The following ANKRD17 variants were observed in gnomAD, a reference collection of about 807,000 sequenced individuals.
ANKRD17 encodes the protein ankyrin repeat domain 17.
ANKRD17 carries 19 observed loss-of-function variants against 229.7 expected under a neutral mutation model. That is an observed-to-expected ratio of 0.08 (90% CI 0.06 to 0.12). ANKRD17 has a LOEUF of 0.12. Among genes scored for constraint, ANKRD17 ranks in the 10% least tolerant of loss-of-function variants. The pLI, the probability that ANKRD17 is intolerant of heterozygous loss-of-function variation, is 1.00. For synonymous variants in ANKRD17, 1,112 were observed against 1,146.1 expected (o/e 0.97, Z 0.60); for missense variants, 2,176 against 3,176.8 (o/e 0.68, Z 7.57).
In ANKRD17 at chr4:73,085,324, G is replaced by A; in HGVS notation, c.7084C>T (p.Pro2362Ser). ...YGPGAPLGGA[P>S]AAANFNRQHF... is the part of the protein sequence containing the mutation. ...TGTCTGTTAAAGTTAGCAGCTGCGG[G>A]TGCTCCTCCAAGGGGTGCCCCAGGT... Residue 2362 changes from proline (P) to serine (S), a missense_variant, in exon 30 of 34, where the codon CCC (proline) becomes TCC (serine). Pro to Ser is a moderately conservative substitution (Grantham distance 74, BLOSUM62 -1). This residue lies in a region of ANKRD17 where 87 missense variants were observed against 116.0 expected (regional missense o/e 0.75). Transcript: ENST00000358602. The A allele has an allele frequency of 3.7e-6, 6 of 1,614,078 alleles. No homozygotes were observed. Among genetic ancestry groups the A allele is most frequent in the Non-Finnish European group, 5.1e-6 (6 of 1,180,020 alleles).
chr4:73,145,091 C>T (rs191581962), intron 10 of ANKRD17, among the ~76,000 whole-genome samples: 74 of 152,238 alleles, frequency 4.9e-4, no homozygotes, highest in Non-Finnish European at 7.1e-4. Context: ...GTTATAGTCA[C>T]GTGATCATGA....
chr4:73,206,373 T>A (rs978785546), intron 1 of ANKRD17, among the ~76,000 whole-genome samples: 1 of 137,488 alleles, frequency 7.3e-6, no homozygotes, highest in African/African-American at 2.8e-5. Context: ...ATAAGAAAAA[T>A]GTGGCCTATA....
At chr4:73,149,146 T>C (rs967255833) in intron 7 of ANKRD17, 96 bp from the exon 8 acceptor site, 5 of 969,638 alleles carry the variant, frequency 5.2e-6, no homozygotes, top group Non-Finnish European at 7.7e-6. Flanking sequence ...GAAGTTTATC[T>C]ATCTCCACTC....
rs1336601037 is a variant in ANKRD17 at position 73,078,656 on chromosome 4, A to G, written c.7394T>C (p.Ile2465Thr). ...GAATATCCTACCTTGATTGCCACCA[A>G]TCCCTTCAAAGGACCAGATGCCACT... is the stretch of plus-strand genomic sequence containing the variant. ...GHSGIWSFEG[I>T]GGNQDKVDWC... Residue 2465 changes from isoleucine to threonine, a missense_variant, in exon 31 of 34, where the codon ATT becomes ACT. Around this residue, in one of 18 missense-constraint regions of ANKRD17, gnomAD observed 159 missense variants for 214.3 expected, o/e 0.74. Coordinates refer to ENST00000358602, the MANE Select transcript of ANKRD17 (RefSeq NM_032217.5). The G allele has an allele frequency of 3.7e-6, 6 of 1,614,162 alleles. No homozygotes were observed. Among genetic ancestry groups the G allele is most frequent in the Admixed American group, 1.7e-5 (1 of 60,022 alleles).
At chr4:73,113,476 T>C (rs1187058214) in intron 24 of ANKRD17, among the ~76,000 whole-genome samples, 1 of 152,106 alleles carries the variant, frequency 6.6e-6, no homozygotes, top group East Asian at 1.9e-4. Context: ...AATTATAAGA[T>C]CAAAAAACAA....
At chr4:73,080,960 A>G (rs531725474) in intron 30 of ANKRD17, 2 of 152,418 alleles carry the variant, frequency 1.3e-5, no homozygotes, top group South Asian at 4.1e-4. Flanking sequence ...ATTTTAATAA[A>G]CAGAATTACT....
At position 73,144,741 on chromosome 4, in the gene ANKRD17, C is replaced by T. The variant is rs749710226; in HGVS notation, c.1957+4G>A. 7 of 1,544,254 alleles carry T rather than the reference C, an allele frequency of 4.5e-6. No homozygotes were observed. Among genetic ancestry groups the T allele is most frequent in the Non-Finnish European group, 6.1e-6 (7 of 1,149,356 alleles). ...AAAAAGACAACTGTTTTATACAAAC[C>T]TACCTTTACTAATTAAGAACTGAAC... On this transcript the variant is annotated splice_donor_region_variant and intron_variant, in intron 11 of 33. Transcript: ENST00000358602.
At position 73,155,670 on chromosome 4, in the gene ANKRD17, G is replaced by A; in HGVS notation, c.961C>T (p.Leu321=). ...GGHVKIVKLL[L]AHKADVNAQS... ...GCATTAACATCTGCTTTATGAGCTAGCAGCAACTTCACAATTTTGACATGT... is the reference window on the plus strand; with the variant it reads ...GCATTAACATCTGCTTTATGAGCTAACAGCAACTTCACAATTTTGACATGT... The change falls in exon 5 of 34, where the codon CTA becomes TTA. Residue 321 remains leucine, a synonymous_variant. Transcript: ENST00000358602. The A allele has an allele frequency of 6.2e-7, 1 of 1,614,124 alleles. No individual in the cohort carries two copies. The highest frequency in any genetic ancestry group is 1.1e-5 in the South Asian group (1 of 91,080).
intron 1 of ANKRD17, among the ~76,000 whole-genome samples, chr4:73,211,693 A>C (rs1740286289): frequency 6.6e-6 from 1 of 151,952 alleles, no homozygotes; most frequent in African/African-American, 2.4e-5. Flanking sequence ...CTAAAAATAC[A>C]AAAATTAGCT....
Position 73,124,940 on chromosome 4 carries a change from G to A in ANKRD17, c.3465C>T (p.Ser1155=). ...CCTGTCTTCCCCCAGAACAAGCCAAGGAGAGTGGTGTGTCCTTGGTTCTTT... is the reference window on the plus strand; with the variant it reads ...CCTGTCTTCCCCCAGAACAAGCCAAAGAGAGTGGTGTGTCCTTGGTTCTTT... The part of the protein sequence containing the change: ...QSERTKDTPL[S]LACSGGRQEV... The change falls in exon 18 of 34, where the codon TCC becomes TCT. Residue 1155 remains serine (S), a synonymous_variant. Coordinates refer to ENST00000358602, the MANE Select transcript of ANKRD17 (RefSeq NM_032217.5). 1.2e-6 allele frequency: 2 copies of A among 1,614,126 alleles called. No individual in the cohort carries two copies. Among genetic ancestry groups the A allele is most frequent in the Non-Finnish European group, 1.7e-6 (2 of 1,180,024 alleles).
At chr4:73,138,107 G>A (rs1729143706) in intron 15 of ANKRD17, among the ~76,000 whole-genome samples, 1 of 152,006 alleles carries the variant, frequency 6.6e-6, no homozygotes, top group South Asian at 2.1e-4. Context: ...AATTCATATG[G>A]ACATAGTATC....
chr4:73,103,121 A>G (rs1237628404), intron 24 of ANKRD17, among the ~76,000 whole-genome samples: 1 of 151,984 alleles, frequency 6.6e-6, no homozygotes, highest in Non-Finnish European at 1.5e-5. Flanking sequence ...GGAATAAATT[A>G]ACAGTATATA....
At chr4:73,087,898 G>C (rs1722365164) in intron 29 of ANKRD17, among the ~76,000 whole-genome samples, 1 of 151,344 alleles carries the variant, frequency 6.6e-6, no homozygotes, top group Non-Finnish European at 1.5e-5. Context: ...ATGAAGAAGG[G>C]GAGAGACAGG....
At chr4:73,217,792 A>C (rs76087658) in intron 1 of ANKRD17, among the ~76,000 whole-genome samples, 301 of 152,324 alleles carry the variant, frequency 2.0e-3, no homozygotes, top group African/African-American at 6.9e-3. Flanking sequence ...ATTGCATAAA[A>C]CTACATTCGG....
chr4:73,077,063 T>C lies in ANKRD17; in HGVS notation c.7629A>G (p.Pro2543=), dbSNP rs1053088780. 6.2e-7 allele frequency: 1 copy of C among 1,611,454 alleles called. No homozygotes were observed. The highest frequency in any genetic ancestry group is 8.5e-7 in the Non-Finnish European group (1 of 1,179,090). The change falls in exon 33 of 34, where the codon CCA becomes CCG. Residue 2543 remains proline, a synonymous_variant. Coordinates refer to ENST00000358602, the MANE Select transcript of ANKRD17 (RefSeq NM_032217.5). ...FSVYGNAMIP[P]VAPIPDGAGG... is the part of the protein sequence containing the mutation. ...CAGCACCATCAGGGATAGGTGCTAC[T>C]GGAGGAATCATTGCATTCCCATACA...
intron 22 of ANKRD17, among the ~76,000 whole-genome samples, chr4:73,116,938 A>G (rs1214135232): frequency 6.6e-6 from 1 of 152,148 alleles, no homozygotes; most frequent in Non-Finnish European, 1.5e-5. Context: ...GAACAAATAC[A>G]TAAGAGTATA....
At chr4:73,083,714 A>T (rs7664144) in intron 30 of ANKRD17, among the ~76,000 whole-genome samples, 13,435 of 152,166 alleles carry the variant, frequency 0.088, 2,025 homozygotes, top group African/African-American at 0.31. Context: ...CTGTGCAAGG[A>T]TAATTAATAT....
intron 3 of ANKRD17, 32 bp from the exon 4 acceptor site, chr4:73,156,198 T>C (rs1340487256): frequency 1.9e-6 from 3 of 1,549,622 alleles, no homozygotes; most frequent in Non-Finnish European, 1.7e-6. Flanking sequence ...AATACCAGAA[T>C]ATAAGAATAT....
intron 24 of ANKRD17, among the ~76,000 whole-genome samples, chr4:73,106,836 G>A (rs1219762722): frequency 6.3e-5 from 9 of 142,512 alleles, no homozygotes; most frequent in East Asian, 2.2e-4. Context: ...CCGAGATTGC[G>A]CCATGGCCCT....
Sources: gnomAD v4.1 joint callset for allele counts (sites outside exome capture counted in the v4.1 genomes callset) on GRCh38, gnomAD v4.1.1 for gene constraint, gnomAD v4.1.1 regional missense constraint, MANE v1.5 for transcripts, NCBI Gene and HGNC (gene_info 2026-07-23, HGNC 2026-07-21) for gene names.